The following TMEM272 variants were observed in gnomAD, a reference collection of about 807,000 sequenced individuals.
TMEM272 encodes transmembrane protein 272.
A neutral mutation model predicts 3.7 loss-of-function variants in TMEM272; 8 were observed. That is an observed-to-expected ratio of 2.17 (90% CI 1.27 to 3.91). The LOEUF is 3.91. TMEM272 is among the 30% of genes most tolerant of loss of function. TMEM272 has a pLI of 0.00. For synonymous variants in TMEM272, 63 were observed against 39.8 expected, an observed-to-expected ratio of 1.58 and a Z score of -2.20; for missense variants, 166 against 91.5, an observed-to-expected ratio of 1.81 and a Z score of -3.32.
chr13:51,872,433 C>T, the TMEM272 span, among the ~76,000 whole-genome samples: 1 of 151,952 alleles, frequency 6.6e-6, no homozygotes, highest in Admixed American at 6.6e-5. Context: ...CCAGGAGTTC[C>T]ATCCTCCACA....
chr13:51,893,801 G>A, the TMEM272 span, among the ~76,000 whole-genome samples: 1 of 152,100 alleles, frequency 6.6e-6, no homozygotes, highest in African/African-American at 2.4e-5. Context: ...GGTCAGTCCT[G>A]AAAAGACTGT....
At chr13:51,860,753 A>AT in the TMEM272 span, among the ~76,000 whole-genome samples, 1 of 54,000 alleles carries the variant, frequency 1.9e-5, no homozygotes, top group African/African-American at 5.4e-5. Flanking sequence ...ATATATATAT[A>AT]CACACACACA....
the TMEM272 span, among the ~76,000 whole-genome samples, chr13:51,903,551 T>TC: frequency 6.6e-6 from 1 of 151,994 alleles, no homozygotes; most frequent in Admixed American, 6.6e-5. Context: ...GGCAAACTGC[T>TC]CCCCCTACTC....
the TMEM272 span, chr13:51,908,480 A>C: frequency 1.9e-5 from 29 of 1,527,046 alleles, no homozygotes; most frequent in Non-Finnish European, 2.4e-5. Flanking sequence ...GAGGGAAAGG[A>C]GGTCCTCTTC....
chr13:51,886,479 A>G, the TMEM272 span, among the ~76,000 whole-genome samples: 1 of 152,178 alleles, frequency 6.6e-6, no homozygotes, highest in African/African-American at 2.4e-5. Flanking sequence ...CCGTCAAGTG[A>G]CTTACTCAAA....
upstream of TMEM272, among the ~76,000 whole-genome samples, chr13:51,848,421 T>C (rs1593603452): frequency 6.6e-6 from 1 of 152,272 alleles, no homozygotes; most frequent in African/African-American, 2.4e-5. Flanking sequence ...GGGGAGATGA[T>C]AGTAGAATTG....
the TMEM272 span, among the ~76,000 whole-genome samples, chr13:51,857,571 C>T: frequency 4.6e-5 from 7 of 151,912 alleles, no homozygotes; most frequent in African/African-American, 1.7e-4. Context: ...AGATAAAAAT[C>T]CATTAGACTT....
chr13:51,895,823 C>G, the TMEM272 span, among the ~76,000 whole-genome samples: 7 of 152,298 alleles, frequency 4.6e-5, no homozygotes, highest in East Asian at 1.3e-3. Context: ...TGACAGCCCC[C>G]CTGTGATGGT....
In TMEM272 at chr13:51,816,807, A is replaced by T; in HGVS notation, c.508T>A (p.Cys170Ser). Residue 170 changes from cysteine to serine, a missense_variant, in exon 5 of 5, where the codon TGC becomes AGC. Cys to Ser is a moderately radical substitution (Grantham distance 112, BLOSUM62 -1). Transcript: ENST00000629372. The stretch of plus-strand genomic sequence containing the variant: ...GAGCACAGGTAGACACAGCCGCTGC[A>T]CAGCAGGAGCAAGACCAGCACAGTG... Reference protein sequence around the residue: ...SHTVLVLLLLCSGCVYLCSRW... With the variant: ...SHTVLVLLLLSSGCVYLCSRW... 1.4e-6 allele frequency: 1 copy of T among 703,024 alleles called. No homozygotes were observed. Among genetic ancestry groups the T allele is most frequent in the Non-Finnish European group, 2.6e-6 (1 of 384,984 alleles). 43.5% of individuals were successfully genotyped at this position (703,024 alleles called of 1,614,324 possible).
chr13:51,897,630 A>G, the TMEM272 span, among the ~76,000 whole-genome samples: 7 of 152,002 alleles, frequency 4.6e-5, no homozygotes, highest in African/African-American at 1.7e-4. Context: ...ATAGTTGAAA[A>G]GATAACTAGA....
chr13:51,855,773 A>C, the TMEM272 span, among the ~76,000 whole-genome samples: 1 of 152,346 alleles, frequency 6.6e-6, no homozygotes, highest in Admixed American at 6.5e-5. Context: ...AAATGTTAAT[A>C]TAAGGAACCC....
upstream of TMEM272, among the ~76,000 whole-genome samples, chr13:51,849,694 T>C (rs1956322388): frequency 6.6e-6 from 1 of 152,214 alleles, no homozygotes; most frequent in Admixed American, 6.5e-5. Context: ...GTTTCCCGCC[T>C]CAACCCTTTT....
intron 2 of TMEM272, among the ~76,000 whole-genome samples, chr13:51,830,557 T>C (rs996542110): frequency 6.6e-6 from 1 of 152,242 alleles, no homozygotes; most frequent in African/African-American, 2.4e-5. Context: ...ATAATCTGTG[T>C]AGGGCACTAA....
chr13:51,888,098 T>G, the TMEM272 span, among the ~76,000 whole-genome samples: 1 of 151,258 alleles, frequency 6.6e-6, no homozygotes, highest in African/African-American at 2.4e-5. Context: ...CAGGCTGGAG[T>G]GCAGTGGCGT....
At chr13:51,927,691 C>T in the TMEM272 span, among the ~76,000 whole-genome samples, 2 of 152,118 alleles carry the variant, frequency 1.3e-5, no homozygotes, top group East Asian at 1.9e-4. Context: ...ATCATTCAGG[C>T]GGTCAATAAA....
chr13:51,845,707 GTGTC>G (rs1956299656), upstream of TMEM272, among the ~76,000 whole-genome samples: 1 of 152,222 alleles, frequency 6.6e-6, no homozygotes, highest in African/African-American at 2.4e-5. Context: ...AGGCTGTTGT[GTGTC>G]TGTATTGTAA....
the TMEM272 span, chr13:51,908,597 T>C: frequency 1.3e-6 from 2 of 1,508,996 alleles, no homozygotes; most frequent in African/African-American, 1.4e-5. Flanking sequence ...CAGGGAGAGA[T>C]GAATCAGCCA....
At chr13:51,864,774 T>C in the TMEM272 span, among the ~76,000 whole-genome samples, 44 of 152,332 alleles carry the variant, frequency 2.9e-4, no homozygotes, top group African/African-American at 1.0e-3. Context: ...AAATATTGTG[T>C]GAGGGCCTTC....
intron 1 of TMEM272, among the ~76,000 whole-genome samples, chr13:51,841,233 T>A (rs1956260905): frequency 6.6e-6 from 1 of 152,186 alleles, no homozygotes; most frequent in Admixed American, 6.5e-5. Context: ...GCACTTCACA[T>A]AACAGGGAGA....
Sources: gnomAD v4.1 joint callset for allele counts (sites outside exome capture counted in the v4.1 genomes callset) on GRCh38, gnomAD v4.1.1 for gene constraint, MANE v1.5 for transcripts, NCBI Gene and HGNC (gene_info 2026-07-23, HGNC 2026-07-21) for gene names.